The following BIRC3 variants were observed in gnomAD, a reference collection of about 807,000 sequenced individuals.
The protein encoded by BIRC3 is baculoviral IAP repeat containing 3, also known as baculoviral IAP repeat-containing protein 3.
In BIRC3, 26 loss-of-function variants were observed where a neutral mutation model predicts 59.0. The observed-to-expected ratio is 0.44, with a 90% CI of 0.32 to 0.61. The LOEUF is 0.61. BIRC3 is among the 20% of genes least tolerant of loss of function. BIRC3 has a pLI of 0.04. For synonymous variants in BIRC3, 243 were observed against 249.2 expected, an observed-to-expected ratio of 0.98 and a Z score of 0.24; for missense variants, 641 against 711.5, an observed-to-expected ratio of 0.90 and a Z score of 1.13.
rs1322913919 is a variant in BIRC3, at chr11:102,324,343, G to A, written c.-167G>A. ...TCTTCCTTAAAATGTATCAGTATAGGATTTAGAATCTCCATGTTGAAACTC... is the reference window on the plus strand; with the variant it reads ...TCTTCCTTAAAATGTATCAGTATAGAATTTAGAATCTCCATGTTGAAACTC... On this transcript the variant is annotated 5_prime_UTR_variant, in exon 2 of 9. Coordinates refer to ENST00000263464, the MANE Select transcript of BIRC3 (RefSeq NM_001165.5). 2 of 679,478 alleles carry A rather than the reference G, an allele frequency of 2.9e-6. No homozygotes were observed. Among genetic ancestry groups the A allele is most frequent in the Non-Finnish European group, 4.7e-6 (2 of 428,368 alleles). 42.1% of individuals were successfully genotyped at this position (679,478 alleles called of 1,614,324 possible).
chr11:102,324,089 G>A lies in BIRC3; in HGVS notation c.-421G>A, dbSNP rs1185731549. Reference sequence around the variant, plus strand: ...GCAGAGCTTTCCACCATGAAAAGAAGCTTCATGAGTCACACATTACATCTT... The same window carrying A: ...GCAGAGCTTTCCACCATGAAAAGAAACTTCATGAGTCACACATTACATCTT... On this transcript the variant is annotated 5_prime_UTR_variant, in exon 2 of 9. Coordinates refer to ENST00000263464, the MANE Select transcript of BIRC3 (RefSeq NM_001165.5). 3 of 217,966 alleles carry A rather than the reference G, an allele frequency of 1.4e-5. No individual in the cohort carries two copies. The highest frequency in any genetic ancestry group is 6.7e-5 in the African/African-American group (3 of 44,510). The allele number at this position is 217,966 out of a possible 1,614,324, so 13.5% of individuals were successfully genotyped here. A position where few individuals can be genotyped will look rare whatever the true frequency, so the allele number is the denominator to read the frequency against.
At position 102,325,654 on chromosome 11, in the gene BIRC3, T is replaced by G. The variant is rs890431171; in HGVS notation, c.953+89T>G. 2.4e-6 allele frequency: 3 copies of G among 1,252,822 alleles called. No individual in the cohort carries two copies. The Admixed American group carries it at 6.1e-5, about 26-fold the overall frequency. The allele number at this position is 1,252,822 out of a possible 1,614,324, so 77.6% of individuals were successfully genotyped here. On this transcript the variant is annotated intron_variant, in intron 3 of 8. Transcript: ENST00000263464. ...CACCTGAAATCAGTTGTTACTTTAC[T>G]CTGTTCCAAATATATATTTGTGAAT...
chr11:102,326,437 G>A (rs370591908), intron 3 of BIRC3, among the ~76,000 whole-genome samples: 4 of 152,168 alleles, frequency 2.6e-5, no homozygotes, highest in African/African-American at 9.7e-5. Flanking sequence ...TGATTAGCTT[G>A]CAAGTGTGGG....
intron 5 of BIRC3, 68 bp from the exon 6 acceptor site, chr11:102,330,931 T>C: frequency 6.9e-7 from 1 of 1,444,900 alleles, no homozygotes; most frequent in South Asian, 1.5e-5. Flanking sequence ...TTTGATTTCA[T>C]TTCAAATTTC....
intron 1 of BIRC3, among the ~76,000 whole-genome samples, chr11:102,318,484 C>T (rs1950996387): frequency 1.3e-5 from 2 of 152,306 alleles, no homozygotes; most frequent in South Asian, 2.1e-4. Flanking sequence ...ACCCCATATA[C>T]CAAGCTCTGC....
At position 102,338,417 on chromosome 11, in the gene BIRC3, ATTTAT is replaced by A. The variant is rs979750906; in HGVS notation, c.*1318_*1322del. 8.7e-6 allele frequency: 2 copies of A among 228,872 alleles called. No homozygotes were observed. The highest frequency in any genetic ancestry group is 4.4e-5 in the African/African-American group (2 of 45,118). The allele number at this position is 228,872 out of a possible 1,614,324, so 14.2% of individuals were successfully genotyped here. ...GGTTAACAAGAGAAAAACTTAACAA[ATTTAT>A]TTAATCACAGATTTACATCACCGGG... On this transcript the variant is annotated 3_prime_UTR_variant, in exon 9 of 9. Transcript: ENST00000263464.
At position 102,323,365 on chromosome 11, in the gene BIRC3, CTT is replaced by C. The variant is rs1192800783; in HGVS notation, c.-1141_-1140del. 5.2e-6 allele frequency: 1 copy of C among 193,284 alleles called. No homozygotes were observed. The highest frequency in any genetic ancestry group is 2.3e-5 in the African/African-American group (1 of 43,146). The allele number at this position is 193,284 out of a possible 1,614,324, so 12.0% of individuals were successfully genotyped here. A position where few individuals can be genotyped will look rare whatever the true frequency, so the allele number is the denominator to read the frequency against. On this transcript the variant is annotated 5_prime_UTR_variant, in exon 2 of 9. It removes the in-frame stop codon of an upstream open reading frame in the 5' UTR. Transcript: ENST00000263464. ...GTTATTGGTAGTTTGGGCAGAGTCT[CTT>C]TTTGCAGCACCTGTTGTCTACCATA...
chr11:102,335,586 G>A (rs563045040), intron 6 of BIRC3, among the ~76,000 whole-genome samples: 2 of 152,306 alleles, frequency 1.3e-5, no homozygotes, highest in African/African-American at 4.8e-5. Flanking sequence ...ATCAATACAT[G>A]TAAAGTTCTT....
rs1743489849 is a variant in BIRC3 at position 102,322,554 on chromosome 11, A to G, written c.-1956A>G. ...ATGAAGAAACTTAGAAAATTAATAT[A>G]AAGACAGTGATGAATACAAAGAAGA... is the stretch of plus-strand genomic sequence containing the variant. On this transcript the variant is annotated 5_prime_UTR_variant, in exon 2 of 9. The change creates a new upstream start codon in the 5' untranslated region. Coordinates refer to ENST00000263464, the MANE Select transcript of BIRC3 (RefSeq NM_001165.5). 1 of 206,236 alleles carries G rather than the reference A, an allele frequency of 4.8e-6. No individual in the cohort carries two copies. The highest frequency in any genetic ancestry group is 9.9e-6 in the Non-Finnish European group (1 of 100,966). The allele number at this position is 206,236 out of a possible 1,614,324, so 12.8% of individuals were successfully genotyped here.
rs1188093760 is a variant in BIRC3, at chr11:102,325,166, T to C, written c.657T>C (p.Asp219=). The C allele has an allele frequency of 4.8e-5, 77 of 1,614,090 alleles. No individual in the cohort carries two copies. Among genetic ancestry groups the C allele is most frequent in the Non-Finnish European group, 6.3e-5 (74 of 1,180,038 alleles). The part of the protein sequence containing the change: ...GGKLSNWEPK[D]NAMSEHLRHF... The stretch of plus-strand genomic sequence containing the variant: ...AATTGAGCAATTGGGAACCGAAGGA[T>C]AATGCTATGTCAGAACACCTGAGAC... The change falls in exon 2 of 9, where the codon GAT becomes GAC. Residue 219 remains aspartate, a synonymous_variant. Transcript: ENST00000263464.
chr11:102,328,785 G>A (rs1414219403), intron 4 of BIRC3, 112 bp from the exon 5 acceptor site: 1 of 348,400 alleles, frequency 2.9e-6, no homozygotes. Flanking sequence ...CAAGTGGTTT[G>A]CAACAAGTTG....
chr11:102,328,417 A>G (rs1391988599), intron 4 of BIRC3, among the ~76,000 whole-genome samples: 1 of 152,236 alleles, frequency 6.6e-6, no homozygotes, highest in African/African-American at 2.4e-5. Context: ...GTTTCACTAT[A>G]TAAATTTTCC....
At position 102,329,240 on chromosome 11, in the gene BIRC3, A is replaced by C. The variant is rs149787629; in HGVS notation, c.1081+295A>C. On this transcript the variant is annotated intron_variant, in intron 5 of 8. Coordinates refer to ENST00000263464, the MANE Select transcript of BIRC3 (RefSeq NM_001165.5). ...TTAACAAACTACATACATCCAGCCT[A>C]ACACTTGTTCTTGGGCCAGTGTGGG... Among the ~76,000 whole-genome samples, 230 of 152,296 alleles carry C rather than the reference A, an allele frequency of 1.5e-3. 1 individual carries two copies. Among genetic ancestry groups the C allele is most frequent in the African/African-American group, 5.2e-3 (215 of 41,572 alleles).
At chr11:102,333,375 C>A (rs1951164283) in intron 6 of BIRC3, among the ~76,000 whole-genome samples, 1 of 151,734 alleles carries the variant, frequency 6.6e-6, no homozygotes, top group East Asian at 1.9e-4. Context: ...CCAGGCTGGG[C>A]AACATAGCAA....
At position 102,329,084 on chromosome 11, in the gene BIRC3, A is replaced by G. The variant is rs1336343429; in HGVS notation, c.1081+139A>G. On this transcript the variant is annotated intron_variant, in intron 5 of 8. Transcript: ENST00000263464. ...GCATTTTCAAATATACTGTGTTGGT[A>G]TTTCCCAAACTTCAGTGCATATCAG... is the stretch of plus-strand genomic sequence containing the variant. The G allele has an allele frequency of 9.3e-6, 4 of 429,338 alleles. No individual in the cohort carries two copies. The Admixed American group carries it at 1.9e-4, about 21-fold the overall frequency. The allele number at this position is 429,338 out of a possible 1,614,324, so 26.6% of individuals were successfully genotyped here. A position where few individuals can be genotyped will look rare whatever the true frequency, so the allele number is the denominator to read the frequency against.
Position 102,331,057 on chromosome 11 carries a change from T to C in BIRC3, c.1140T>C (p.Pro380=). The part of the protein sequence containing the change: ...HSEDAIMMNT[P]VINAAVEMGF... ...AAGATGCAATCATGATGAATACTCC[T>C]GTGATTAATGCTGCCGTGGAAATGG... The change falls in exon 6 of 9, where the codon CCT becomes CCC. Residue 380 remains proline, a synonymous_variant. Transcript: ENST00000263464. 2.5e-6 allele frequency: 4 copies of C among 1,613,892 alleles called. No individual in the cohort carries two copies. Among genetic ancestry groups the C allele is most frequent in the Non-Finnish European group, 2.5e-6 (3 of 1,179,858 alleles).
chr11:102,331,612 T>A (rs930226155), intron 6 of BIRC3, among the ~76,000 whole-genome samples: 2 of 152,122 alleles, frequency 1.3e-5, no homozygotes, highest in Admixed American at 1.3e-4. Context: ...AGTTGCTCAC[T>A]CCCCTTTGGA....
chr11:102,336,393 A>C, intron 7 of BIRC3, 173 bp downstream of exon 7: 1 of 720,768 alleles, frequency 1.4e-6, no homozygotes, highest in Non-Finnish European at 2.2e-6. Context: ...GGAGTTTGAG[A>C]CCAGACTGGA....
In BIRC3 at chr11:102,325,231, A is replaced by G. The variant is rs150502736; in HGVS notation, c.722A>G (p.Asp241Gly). Residue 241 changes from aspartate (D) to glycine (G), a missense_variant, in exon 2 of 9, where the codon GAC (aspartate) becomes GGC (glycine). Asp to Gly is a moderately conservative substitution (Grantham distance 94). Transcript: ENST00000263464. ...KCPFIENQLQ[D>G]TSRYTVSNLS... ...CCATTTATAGAAAATCAGCTTCAAG[A>G]CACTTCAAGATACACAGTTTCTAAT... 1.4e-4 allele frequency: 221 copies of G among 1,614,018 alleles called. 1 individual carries two copies. The Middle Eastern group carries it at 1.5e-3, about 11-fold the overall frequency.
Sources: allele counts gnomAD v4.1 joint callset (sites outside exome capture counted in the v4.1 genomes callset), GRCh38; gene constraint gnomAD v4.1.1; transcripts MANE v1.5; gene names NCBI Gene and HGNC (gene_info 2026-07-23, HGNC 2026-07-21).